The following TMEM67 variants were observed in gnomAD, a reference collection of about 807,000 sequenced individuals.
TMEM67 encodes the protein meckelin.
TMEM67 carries 124 observed loss-of-function variants against 136.6 expected under a neutral mutation model. That is an observed-to-expected ratio of 0.91 (90% CI 0.78 to 1.05). The LOEUF is 1.05. Among genes scored for constraint, TMEM67 ranks in the 50% least tolerant of loss-of-function variants. The pLI is 0.00. For synonymous variants in TMEM67, 364 were observed against 390.5 expected (o/e 0.93, Z 0.80); for missense variants, 1,107 against 1,178.4 (o/e 0.94, Z 0.89).
chr8:93,758,582 A>G lies in TMEM67; in HGVS notation c.406+6A>G, dbSNP rs767218251. The stretch of plus-strand genomic sequence containing the variant: ...TCCCATTGGCCATATTTTAGGTAAG[A>G]ATTAGATTCCTTATAAAGAAGTAGT... On this transcript the variant is annotated splice_donor_region_variant and intron_variant, in intron 3 of 27. Coordinates refer to ENST00000453321, the MANE Select transcript of TMEM67 (RefSeq NM_153704.6). The G allele has an allele frequency of 6.9e-6, 11 of 1,600,736 alleles. No individual in the cohort carries two copies. Among genetic ancestry groups the G allele is most frequent in the Non-Finnish European group, 9.4e-6 (11 of 1,168,030 alleles).
At chr8:93,787,687 A>G (rs1051991588) in intron 13 of TMEM67, among the ~76,000 whole-genome samples, 157 bp from the exon 14 acceptor site, 1 of 152,226 alleles carries the variant, frequency 6.6e-6, no homozygotes, top group Non-Finnish European at 1.5e-5. Context: ...TTTTGTTGTC[A>G]TCATTAGTTT....
Position 93,803,688 on chromosome 8 carries a change from A to G in TMEM67, c.2322+4A>G, listed in dbSNP as rs1386323468. The G allele has an allele frequency of 6.6e-7, 1 of 1,505,152 alleles. No individual in the cohort carries two copies. The highest frequency in any genetic ancestry group is 9.2e-7 in the Non-Finnish European group (1 of 1,081,576). 93.2% of individuals were successfully genotyped at this position (1,505,152 alleles called of 1,614,324 possible). ...TGATTTATGCTCTATGAGTAATGTA[A>G]GTACTTTCTGACTTCATCTTGCAAC... On this transcript the variant is annotated splice_donor_region_variant and intron_variant, in intron 22 of 27. Transcript: ENST00000453321.
chr8:93,810,027 G>T, intron 26 of TMEM67, 140 bp downstream of exon 26: 1 of 538,470 alleles, frequency 1.9e-6, no homozygotes. Context: ...GGAGTGCAGT[G>T]GCACGATCTC....
At chr8:93,787,005 CTT>C (rs1814139810) in intron 13 of TMEM67, among the ~76,000 whole-genome samples, 1 of 152,086 alleles carries the variant, frequency 6.6e-6, no homozygotes, top group African/African-American at 2.4e-5. Flanking sequence ...AGTGCAGAAA[CTT>C]TGTTATTTAT....
chr8:93,763,794 A>G, intron 3 of TMEM67, 48 bp from the exon 4 acceptor site: 1 of 1,238,902 alleles, frequency 8.1e-7, no homozygotes, highest in Non-Finnish European at 1.2e-6. Context: ...GTAGAAGCTT[A>G]TATGTTTACT....
intron 23 of TMEM67, among the ~76,000 whole-genome samples, chr8:93,808,522 A>AGATATTT (rs1563480973): frequency 4.3e-3 from 43 of 10,002 alleles, no homozygotes; most frequent in Non-Finnish European, 5.9e-3. Flanking sequence ...ATATATTTAT[A>AGATATTT]ATCTATATAT....
the TMEM67 span, among the ~76,000 whole-genome samples, chr8:93,828,374 A>G: frequency 6.6e-6 from 1 of 152,182 alleles, no homozygotes; most frequent in Non-Finnish European, 1.5e-5. Context: ...AGTAGTAAGT[A>G]TTTACAATGT....
intron 7 of TMEM67, among the ~76,000 whole-genome samples, chr8:93,776,985 CTT>C (rs1435522415): frequency 2.0e-5 from 3 of 152,016 alleles, no homozygotes; most frequent in Non-Finnish European, 4.4e-5. Context: ...TGGTCCTGGA[CTT>C]TTTTTGGTTG....
Position 93,786,314 on chromosome 8 carries a change from A to T in TMEM67, c.1380A>T (p.Arg460Ser). The T allele has an allele frequency of 6.2e-7, 1 of 1,614,076 alleles. No homozygotes were observed. The highest frequency in any genetic ancestry group is 1.3e-5 in the African/African-American group (1 of 75,062). ...AAAATGACTTAGGAACTCAGCCAAG[A>T]GTAATTCGAGTTGCTACTCAAATAT... ...GRENDLGTQPRVIRVATQISL... is the reference protein window; with the variant it reads ...GRENDLGTQPSVIRVATQISL... The change falls in exon 13 of 28, where the codon AGA becomes AGT. Residue 460 changes from arginine (R) to serine (S), a missense_variant. Arg to Ser is a moderately radical substitution (Grantham distance 110, BLOSUM62 -1). This residue lies in a region of TMEM67 where 925 missense variants were observed against 1,002.4 expected (regional missense o/e 0.92). Coordinates refer to ENST00000453321, the MANE Select transcript of TMEM67 (RefSeq NM_153704.6).
At chr8:93,799,366 G>T (rs1563473741) in intron 20 of TMEM67, among the ~76,000 whole-genome samples, 1 of 152,118 alleles carries the variant, frequency 6.6e-6, no homozygotes. Flanking sequence ...CAGTGTGTAT[G>T]ACAATAAGGT....
At chr8:93,781,433 A>G (rs1813821628) in intron 9 of TMEM67, among the ~76,000 whole-genome samples, 1 of 152,222 alleles carries the variant, frequency 6.6e-6, no homozygotes, top group Non-Finnish European at 1.5e-5. Flanking sequence ...GCTATCTGTC[A>G]CTAGTGCTGC....
At chr8:93,778,581 C>T (rs2130652297) in intron 7 of TMEM67, among the ~76,000 whole-genome samples, 1 of 152,304 alleles carries the variant, frequency 6.6e-6, no homozygotes, top group South Asian at 2.1e-4. Context: ...CTTTGCTTGT[C>T]TGTAAAGGAT....
intron 7 of TMEM67, 101 bp downstream of exon 7, chr8:93,772,752 C>T: frequency 1.2e-6 from 1 of 823,612 alleles, no homozygotes. Flanking sequence ...GCTATAGCTT[C>T]TTGGTCATAA....
At chr8:93,767,500 C>A (rs761695491) in intron 6 of TMEM67, among the ~76,000 whole-genome samples, 15 of 152,186 alleles carry the variant, frequency 9.9e-5, no homozygotes. Flanking sequence ...GGATTTCCAT[C>A]CACATTTGAT....
chr8:93,816,587 T>A lies in TMEM67; in HGVS notation c.*135T>A. On this transcript the variant is annotated 3_prime_UTR_variant, in exon 28 of 28. Coordinates refer to ENST00000453321, the MANE Select transcript of TMEM67 (RefSeq NM_153704.6). ...TTTTGTTTTTTATTTGCAGAAAGAT[T>A]TATTTTTATAACTTGGGAATATATA... is the stretch of plus-strand genomic sequence containing the variant. 1.8e-6 allele frequency: 1 copy of A among 541,450 alleles called. No individual in the cohort carries two copies. The highest frequency in any genetic ancestry group is 3.0e-5 in the East Asian group (1 of 33,774). 33.5% of individuals were successfully genotyped at this position (541,450 alleles called of 1,614,324 possible).
intron 2 of TMEM67, among the ~76,000 whole-genome samples, chr8:93,757,495 A>G (rs945291350): frequency 6.6e-6 from 1 of 151,184 alleles, no homozygotes; most frequent in Non-Finnish European, 1.5e-5. Context: ...AATTAGCTGG[A>G]CGTGGTGGCA....
intron 6 of TMEM67, among the ~76,000 whole-genome samples, chr8:93,766,093 ATTC>A (rs1008611412): frequency 1.3e-5 from 2 of 151,866 alleles, no homozygotes; most frequent in Admixed American, 6.6e-5. Flanking sequence ...AATCAGGATT[ATTC>A]TTATTTGGCC....
chr8:93,758,470 T>C lies in TMEM67; in HGVS notation c.313-13T>C, dbSNP rs1220225246. On this transcript the variant is annotated splice_polypyrimidine_tract_variant and intron_variant, in intron 2 of 27. Transcript: ENST00000453321. Reference sequence around the variant, plus strand: ...TTAAAAAAGAGAAAAGCATTTTTTTTCTTTTAATTTAGAAAGGTGTTACAG... The same window carrying C: ...TTAAAAAAGAGAAAAGCATTTTTTTCCTTTTAATTTAGAAAGGTGTTACAG... 6.2e-7 allele frequency: 1 copy of C among 1,601,210 alleles called. No homozygotes were observed. The highest frequency in any genetic ancestry group is 1.7e-5 in the Admixed American group (1 of 59,848).
At chr8:93,809,395 G>A (rs941300740) in intron 25 of TMEM67, among the ~76,000 whole-genome samples, 3 of 152,090 alleles carry the variant, frequency 2.0e-5, no homozygotes, top group African/African-American at 7.2e-5. Flanking sequence ...TTACGCAAAA[G>A]TAAAATGAAA....
Sources: gnomAD v4.1 joint callset for allele counts (sites outside exome capture counted in the v4.1 genomes callset) on GRCh38, gnomAD v4.1.1 for gene constraint, gnomAD v4.1.1 regional missense constraint, MANE v1.5 for transcripts, NCBI Gene and HGNC (gene_info 2026-07-23, HGNC 2026-07-21) for gene names.